Variants in TMEM178B observed in about 807,000 individuals in gnomAD.
TMEM178B encodes the protein transmembrane protein 178B.
A neutral mutation model predicts 31.0 loss-of-function variants in TMEM178B; 5 were observed. That is an observed-to-expected ratio of 0.16 (90% CI 0.08 to 0.34). TMEM178B has a LOEUF of 0.34. TMEM178B is among the 10% of genes least tolerant of loss of function. The pLI, the probability that TMEM178B is intolerant of heterozygous loss-of-function variation, is 1.00. For missense variants in TMEM178B, 275 were observed against 400.3 expected (o/e 0.69, Z 2.67); for synonymous variants, 164 against 164.0 (o/e 1.00, Z 0.00).
At chr7:141,222,809 GCTGA>G (rs1797277402) in intron 2 of TMEM178B, among the ~76,000 whole-genome samples, 2 of 152,204 alleles carry the variant, frequency 1.3e-5, no homozygotes, top group Non-Finnish European at 2.9e-5. Context: ...GTAGAAAGTG[GCTGA>G]CTATTATTTA....
intron 2 of TMEM178B, among the ~76,000 whole-genome samples, chr7:141,300,619 ATC>A (rs926521715): frequency 8.6e-5 from 13 of 152,018 alleles, no homozygotes; most frequent in African/African-American, 3.1e-4. Flanking sequence ...GGATCCTCCC[ATC>A]TCTCATCATT....
intron 2 of TMEM178B, among the ~76,000 whole-genome samples, chr7:141,228,770 G>A (rs1192750514): frequency 2.0e-5 from 3 of 152,118 alleles, no homozygotes; most frequent in South Asian, 2.1e-4. Context: ...TCCTCCATTC[G>A]CTCGGCATCC....
At chr7:141,250,341 G>A (rs777787333) in intron 2 of TMEM178B, among the ~76,000 whole-genome samples, 22 of 152,184 alleles carry the variant, frequency 1.4e-4, no homozygotes, top group Non-Finnish European at 2.8e-4. Flanking sequence ...TGAGAAAATT[G>A]AAGTGCAGAG....
intron 2 of TMEM178B, among the ~76,000 whole-genome samples, chr7:141,305,571 G>A (rs1187648773): frequency 6.6e-6 from 1 of 152,072 alleles, no homozygotes; most frequent in Non-Finnish European, 1.5e-5. Flanking sequence ...GGGATTACAG[G>A]CGAGTGCCAC....
At chr7:141,446,605 A>C (rs1467788593) in intron 3 of TMEM178B, among the ~76,000 whole-genome samples, 1 of 152,176 alleles carries the variant, frequency 6.6e-6, no homozygotes, top group East Asian at 1.9e-4. Flanking sequence ...AAGTGGAATC[A>C]CCCAATTGAA....
chr7:141,488,740 C>T, the TMEM178B span, among the ~76,000 whole-genome samples: 1 of 151,954 alleles, frequency 6.6e-6, no homozygotes, highest in African/African-American at 2.4e-5. Context: ...GCCCGGCCTG[C>T]ATTTTCTTCT....
At chr7:141,493,471 G>C in the TMEM178B span, among the ~76,000 whole-genome samples, 1 of 151,788 alleles carries the variant, frequency 6.6e-6, no homozygotes, top group South Asian at 2.1e-4. Context: ...TTCTACTAAA[G>C]CATCCAGCTC....
chr7:141,440,459 T>C (rs982559486), intron 3 of TMEM178B, among the ~76,000 whole-genome samples: 4 of 152,104 alleles, frequency 2.6e-5, no homozygotes, highest in Admixed American at 2.0e-4. Context: ...TCCAGTTCTT[T>C]CTAGCGCTAA....
At chr7:141,285,328 T>C (rs1162955004) in intron 2 of TMEM178B, among the ~76,000 whole-genome samples, 2 of 141,848 alleles carry the variant, frequency 1.4e-5, no homozygotes, top group Non-Finnish European at 3.1e-5. Context: ...TTTTTTTGTA[T>C]TTTTTTTTTT....
chr7:141,396,350 G>A (rs980887402), intron 2 of TMEM178B, among the ~76,000 whole-genome samples: 6 of 152,124 alleles, frequency 3.9e-5, no homozygotes, highest in African/African-American at 1.2e-4. Flanking sequence ...CTTTCCCATC[G>A]CCCATGCCTA....
chr7:141,501,205 G>A, the TMEM178B span, among the ~76,000 whole-genome samples: 1 of 151,880 alleles, frequency 6.6e-6, no homozygotes, highest in South Asian at 2.1e-4. Context: ...TGAGGGTGAG[G>A]TGGACTCCCA....
At chr7:141,254,366 C>T (rs1184813979) in intron 2 of TMEM178B, among the ~76,000 whole-genome samples, 1 of 152,196 alleles carries the variant, frequency 6.6e-6, no homozygotes, top group Non-Finnish European at 1.5e-5. Context: ...CCCAGGAGAG[C>T]ACCCCCTGCC....
intron 2 of TMEM178B, among the ~76,000 whole-genome samples, chr7:141,400,782 G>A (rs535232212): frequency 2.7e-4 from 41 of 152,336 alleles, no homozygotes; most frequent in Non-Finnish European, 5.0e-4. Context: ...GAGTAGTAGA[G>A]TGGGGAAGTA....
chr7:141,098,880 G>T (rs1006120222), intron 1 of TMEM178B, among the ~76,000 whole-genome samples: 2 of 152,156 alleles, frequency 1.3e-5, no homozygotes, highest in Non-Finnish European at 2.9e-5. Flanking sequence ...TTTCTTTGGG[G>T]CTTTGCCTTC....
At chr7:141,398,876 A>G (rs895628553) in intron 2 of TMEM178B, among the ~76,000 whole-genome samples, 1 of 152,100 alleles carries the variant, frequency 6.6e-6, no homozygotes, top group African/African-American at 2.4e-5. Context: ...CAGTAACCCC[A>G]CTATTTGTCA....
intron 1 of TMEM178B, among the ~76,000 whole-genome samples, chr7:141,105,372 T>A (rs2129174380): frequency 6.6e-6 from 1 of 151,998 alleles, no homozygotes; most frequent in South Asian, 2.1e-4. Flanking sequence ...GCTGGCGTGG[T>A]GTTGTGTGCC....
At chr7:141,305,208 G>C (rs1329368016) in intron 2 of TMEM178B, among the ~76,000 whole-genome samples, 1 of 152,128 alleles carries the variant, frequency 6.6e-6, no homozygotes, top group Non-Finnish European at 1.5e-5. Flanking sequence ...AAAAGAGAAG[G>C]AGCAGTAAAA....
intron 1 of TMEM178B, among the ~76,000 whole-genome samples, chr7:141,189,507 G>A (rs1796663858): frequency 6.6e-6 from 1 of 152,220 alleles, no homozygotes; most frequent in Admixed American, 6.5e-5. Flanking sequence ...TTCATCTGAG[G>A]CCAGGAATCC....
the TMEM178B span, among the ~76,000 whole-genome samples, chr7:141,504,376 T>C: frequency 6.6e-6 from 1 of 152,206 alleles, no homozygotes; most frequent in African/African-American, 2.4e-5. Flanking sequence ...AGGGAAACCA[T>C]GGTGAAGCTA....
Sources: gnomAD v4.1 joint callset for allele counts (sites outside exome capture counted in the v4.1 genomes callset) on GRCh38, gnomAD v4.1.1 for gene constraint, MANE v1.5 for transcripts, NCBI Gene and HGNC (gene_info 2026-07-23, HGNC 2026-07-21) for gene names.